CCDC178: variants seen among roughly 807,000 people sequenced by gnomAD.
CCDC178 encodes coiled-coil domain containing 178.
In CCDC178, 126 loss-of-function variants were observed where a neutral mutation model predicts 117.4. The observed-to-expected ratio is 1.07, with a 90% CI of 0.93 to 1.24. CCDC178 has a LOEUF of 1.24. Ranked by LOEUF, CCDC178 falls within the 50% of genes most tolerant of loss-of-function variation. The pLI, the probability that CCDC178 is intolerant of heterozygous loss-of-function variation, is 0.00. For synonymous variants in CCDC178, 283 were observed against 313.4 expected (o/e 0.90, Z 1.02); for missense variants, 1,030 against 986.9 (o/e 1.04, Z -0.59).
At chr18:33,187,235 C>T (rs1017393035) in intron 20 of CCDC178, among the ~76,000 whole-genome samples, 1 of 152,060 alleles carries the variant, frequency 6.6e-6, no homozygotes, top group Non-Finnish European at 1.5e-5. Flanking sequence ...CATCAGGTCC[C>T]TCCCTTGACA....
At chr18:33,273,550 G>C (rs1214687813) in intron 12 of CCDC178, among the ~76,000 whole-genome samples, 1 of 151,588 alleles carries the variant, frequency 6.6e-6, no homozygotes, top group African/African-American at 2.4e-5. Flanking sequence ...TGAGAATGTA[G>C]AAATTAACCC....
intron 21 of CCDC178, among the ~76,000 whole-genome samples, chr18:33,037,845 G>A (rs2056473808): frequency 6.6e-6 from 1 of 151,864 alleles, no homozygotes; most frequent in East Asian, 1.9e-4. Context: ...TAAAGATGCA[G>A]GATCATTATT....
Position 33,346,250 on chromosome 18 carries a change from CT to C in CCDC178, c.618del (p.Val207SerfsTer19). 1 of 1,613,920 alleles carries C rather than the reference CT, an allele frequency of 6.2e-7. No homozygotes were observed. Among genetic ancestry groups the C allele is most frequent in the Non-Finnish European group, 8.5e-7 (1 of 1,179,898 alleles). On this transcript the variant is annotated frameshift_variant, in exon 9 of 23. Transcript: ENST00000383096. LOFTEE classifies it high-confidence loss of function. ...NMINMKIDSW[S>X]VWKLQELPLA... ...AATGGGAGTTCTTGAAGTTTCCAGA[CT>C]GACCAAGAGTCAATTTTCATGTTAA...
intron 21 of CCDC178, among the ~76,000 whole-genome samples, chr18:33,026,467 C>G (rs2056231708): frequency 6.6e-6 from 1 of 151,910 alleles, no homozygotes; most frequent in South Asian, 2.1e-4. Context: ...AATAATAGTG[C>G]TCAATAATTT....
chr18:33,195,812 T>C (rs573001221), intron 20 of CCDC178, among the ~76,000 whole-genome samples: 3 of 152,376 alleles, frequency 2.0e-5, no homozygotes, highest in South Asian at 2.1e-4. Flanking sequence ...TTTTACTTTT[T>C]TCCTTTCCCC....
intron 21 of CCDC178, among the ~76,000 whole-genome samples, chr18:33,048,675 C>T (rs28612280): frequency 0.014 from 2,133 of 152,116 alleles, 54 homozygotes; most frequent in African/African-American, 0.048. Flanking sequence ...CTGTGAGAAT[C>T]GTTGCTTTTA....
chr18:33,257,906 T>G (rs1057256222), intron 14 of CCDC178, among the ~76,000 whole-genome samples: 1 of 151,938 alleles, frequency 6.6e-6, no homozygotes, highest in African/African-American at 2.4e-5. Context: ...ATATCTTCTC[T>G]CCTCAAATCC....
At chr18:33,282,274 A>C (rs1599100122) in intron 12 of CCDC178, among the ~76,000 whole-genome samples, 1 of 152,178 alleles carries the variant, frequency 6.6e-6, no homozygotes, top group Non-Finnish European at 1.5e-5. Context: ...AGAAGTGGTA[A>C]GGGCAGCAAG....
At chr18:33,375,277 C>A (rs189967243) in intron 5 of CCDC178, among the ~76,000 whole-genome samples, 2 of 152,254 alleles carry the variant, frequency 1.3e-5, no homozygotes, top group African/African-American at 4.8e-5. Context: ...TTCCTGTTCA[C>A]CTATTTTTTC....
intron 21 of CCDC178, among the ~76,000 whole-genome samples, chr18:33,061,995 C>A (rs945694304): frequency 6.6e-6 from 1 of 151,874 alleles, no homozygotes; most frequent in Non-Finnish European, 1.5e-5. Flanking sequence ...TAAAAGTAAT[C>A]GGATTTATTT....
At chr18:33,267,769 C>T (rs1291319447) in intron 12 of CCDC178, among the ~76,000 whole-genome samples, 2 of 151,232 alleles carry the variant, frequency 1.3e-5, no homozygotes, top group Non-Finnish European at 3.0e-5. Context: ...ATATCTTCAA[C>T]TTTAGATAAC....
intron 11 of CCDC178, among the ~76,000 whole-genome samples, chr18:33,315,266 G>A (rs1424846830): frequency 1.3e-5 from 2 of 152,150 alleles, no homozygotes; most frequent in Non-Finnish European, 2.9e-5. Flanking sequence ...AAAAAAAGGT[G>A]AGGTACGTGT....
chr18:33,408,794 T>C (rs905471014), intron 3 of CCDC178, among the ~76,000 whole-genome samples: 1 of 152,174 alleles, frequency 6.6e-6, no homozygotes, highest in Admixed American at 6.5e-5. Context: ...AAACGCACTA[T>C]CAGTATTTTG....
At position 33,323,629 on chromosome 18, in the gene CCDC178, A is replaced by G. The variant is rs148042541; in HGVS notation, c.884T>C (p.Met295Thr). 2.2e-4 allele frequency: 325 copies of G among 1,492,890 alleles called. 1 individual carries two copies. In the African/African-American group the frequency reaches 4.2e-3, roughly 19 times the overall value. 92.5% of individuals were successfully genotyped at this position (1,492,890 alleles called of 1,614,324 possible). A position where few individuals can be genotyped will look rare whatever the true frequency, so the allele number is the denominator to read the frequency against. Residue 295 changes from methionine to threonine, a missense_variant, in exon 11 of 23, where the codon ATG (methionine) becomes ACG (threonine). Met to Thr is a moderately conservative substitution (Grantham distance 81). Transcript: ENST00000383096. The part of the protein sequence containing the change: ...KNHYKKKMEV[M>T]DLHRKVNEEL... ...TTCATTAACTTTTCTGTGTAGGTCC[A>G]TTACCTAGAAATGAAAATATTTTTG...
chr18:33,267,183 T>A lies in CCDC178; in HGVS notation c.1272+19A>T, dbSNP rs535833428. On this transcript the variant is annotated intron_variant, in intron 13 of 22. Coordinates refer to ENST00000383096, the MANE Select transcript of CCDC178 (RefSeq NM_001105528.4). Reference sequence around the variant, plus strand: ...AGAAAATGGCGTTCTAAGTGGGAAGTAGGAAAAAATCAACTTACTGCAGCA... The same window carrying A: ...AGAAAATGGCGTTCTAAGTGGGAAGAAGGAAAAAATCAACTTACTGCAGCA... The A allele has an allele frequency of 3.8e-5, 59 of 1,567,904 alleles. No individual in the cohort carries two copies. In the South Asian group the frequency reaches 6.7e-4, roughly 18 times the overall value.
chr18:33,332,178 T>C (rs1599173801), intron 10 of CCDC178, among the ~76,000 whole-genome samples: 2 of 152,346 alleles, frequency 1.3e-5, no homozygotes, highest in South Asian at 2.1e-4. Context: ...AAATACTATG[T>C]ATTGTTTATT....
At chr18:33,289,691 C>A (rs888382460) in intron 12 of CCDC178, among the ~76,000 whole-genome samples, 1 of 151,768 alleles carries the variant, frequency 6.6e-6, no homozygotes, top group African/African-American at 2.4e-5. Flanking sequence ...GAAAGTCTAA[C>A]GAACAGATAG....
Position 33,043,188 on chromosome 18 carries a change from C to T in CCDC178, c.2388+49573G>A, listed in dbSNP as rs1047905486. Among the ~76,000 whole-genome samples the T allele has an allele frequency of 7.2e-5, 11 of 151,884 alleles. 1 individual carries two copies. The highest frequency in any genetic ancestry group is 5.9e-5 in the Non-Finnish European group (4 of 67,888). On this transcript the variant is annotated intron_variant, in intron 21 of 22. Coordinates refer to ENST00000383096, the MANE Select transcript of CCDC178 (RefSeq NM_001105528.4). ...AAAATACGACATATAGTAAGTAACA[C>T]TGAAGGTTCTATGTAAAGGAAGATC...
chr18:33,273,337 G>C lies in CCDC178; in HGVS notation c.1177-6040C>G, dbSNP rs576575020. Among the ~76,000 whole-genome samples, 6 of 151,560 alleles carry C rather than the reference G, an allele frequency of 4.0e-5. No individual in the cohort carries two copies. In the South Asian group the frequency reaches 1.2e-3, roughly 31 times the overall value. ...ATTTAGGAATAAATTTTACTAAACAGTGCAAGATTTGTACACTGAAAATTA... is the reference window on the plus strand; with the variant it reads ...ATTTAGGAATAAATTTTACTAAACACTGCAAGATTTGTACACTGAAAATTA... On this transcript the variant is annotated intron_variant, in intron 12 of 22. Coordinates refer to ENST00000383096, the MANE Select transcript of CCDC178 (RefSeq NM_001105528.4).
Sources: gnomAD v4.1 joint callset for allele counts (sites outside exome capture counted in the v4.1 genomes callset) on GRCh38, gnomAD v4.1.1 for gene constraint, MANE v1.5 for transcripts, NCBI Gene and HGNC (gene_info 2026-07-23, HGNC 2026-07-21) for gene names.